The following CD86 variants were observed in gnomAD, a reference collection of about 807,000 sequenced individuals.
CD86 encodes the protein CD86 molecule.
In CD86, 11 loss-of-function variants were observed where a neutral mutation model predicts 32.1. That is an observed-to-expected ratio of 0.34 (90% confidence interval 0.22 to 0.57). CD86 has a LOEUF of 0.57. Among genes scored for constraint, CD86 ranks in the 20% least tolerant of loss-of-function variants. The pLI is 0.86. For synonymous variants in CD86, 137 were observed against 135.3 expected (o/e 1.01, Z -0.09); for missense variants, 359 against 398.4 (o/e 0.90, Z 0.84).
chr3:122,079,094 C>CTCTTG lies in CD86; in HGVS notation c.15-12505_15-12501dup, dbSNP rs904307087. ...ATAAAAGACATAAGGAAAAGCTGCA[C>CTCTTG]TCTTGTTTTCTAGCCTAGTGGGGAA... On this transcript the variant is annotated intron_variant, in intron 1 of 6. Transcript: ENST00000330540. 3.9e-4 allele frequency among the ~76,000 whole-genome samples: 59 copies of CTCTTG among 152,308 alleles called. 1 individual carries two copies. Among genetic ancestry groups the CTCTTG allele is most frequent in the African/African-American group, 1.4e-3 (57 of 41,566 alleles).
At chr3:122,103,171 C>T (rs551560528) in intron 2 of CD86, among the ~76,000 whole-genome samples, 1 of 117,528 alleles carries the variant, frequency 8.5e-6, no homozygotes, top group African/African-American at 3.3e-5. Context: ...GGTTGTCTAA[C>T]TCTACTGGTT....
intron 2 of CD86, among the ~76,000 whole-genome samples, chr3:122,099,825 G>A (rs966031289): frequency 1.8e-4 from 27 of 152,164 alleles, no homozygotes; most frequent in African/African-American, 6.5e-4. Flanking sequence ...AGGGGCTGGT[G>A]GCTATCATAT....
chr3:122,055,365 C>A lies in CD86; in HGVS notation c.-125C>A. 1 of 891,454 alleles carries A rather than the reference C, an allele frequency of 1.1e-6. No individual in the cohort carries two copies. Among genetic ancestry groups the A allele is most frequent in the Non-Finnish European group, 1.9e-6 (1 of 534,496 alleles). 55.2% of individuals were successfully genotyped at this position (891,454 alleles called of 1,614,324 possible). A position where few individuals can be genotyped will look rare whatever the true frequency, so the allele number is the denominator to read the frequency against. On this transcript the variant is annotated 5_prime_UTR_variant, in exon 1 of 7. Coordinates refer to ENST00000330540, the MANE Select transcript of CD86 (RefSeq NM_175862.5). ...AAAGTTAGCTGGGTAGGTATACAGT[C>A]ATTGCCGAGGAAGGCTTGCACAGGG...
chr3:122,063,840 C>T (rs1358755487), intron 1 of CD86, among the ~76,000 whole-genome samples: 1 of 152,050 alleles, frequency 6.6e-6, no homozygotes, highest in Non-Finnish European at 1.5e-5. Context: ...TGTGACCCAC[C>T]GCACCTGGCC....
At chr3:122,112,824 A>G (rs1198515539) in intron 5 of CD86, among the ~76,000 whole-genome samples, 1 of 152,184 alleles carries the variant, frequency 6.6e-6, no homozygotes, top group East Asian at 1.9e-4. Flanking sequence ...CTTTTTTTAC[A>G]TTTATAAGAT....
chr3:122,096,805 T>G (rs1374249034), intron 2 of CD86, among the ~76,000 whole-genome samples: 1 of 152,284 alleles, frequency 6.6e-6, no homozygotes, highest in Admixed American at 6.5e-5. Context: ...TATAGCTTTC[T>G]GTTTCACAGC....
chr3:122,100,527 T>G (rs772314768), intron 2 of CD86, among the ~76,000 whole-genome samples: 1 of 152,162 alleles, frequency 6.6e-6, no homozygotes, highest in Non-Finnish European at 1.5e-5. Context: ...TTAGTACAGA[T>G]AAGCATAGGA....
intron 5 of CD86, among the ~76,000 whole-genome samples, chr3:122,114,911 A>C (rs910151208): frequency 3.3e-5 from 5 of 152,232 alleles, no homozygotes; most frequent in African/African-American, 9.6e-5. Context: ...TTCTGTTAGC[A>C]TAATATTTCA....
At chr3:122,112,814 C>A (rs937850205) in intron 5 of CD86, among the ~76,000 whole-genome samples, 2 of 151,938 alleles carry the variant, frequency 1.3e-5, no homozygotes, top group African/African-American at 4.8e-5. Flanking sequence ...CTATAAGTAC[C>A]TTTTTTTACA....
At position 122,090,655 on chromosome 3, in the gene CD86, C is replaced by T. The variant is rs116675641; in HGVS notation, c.15-946C>T. On this transcript the variant is annotated intron_variant, in intron 1 of 6. Coordinates refer to ENST00000330540, the MANE Select transcript of CD86 (RefSeq NM_175862.5). ...CCATACCATCCTGAATGTGCCTGATCGCATCTAATGTTGGTCACCTCTCCT... is the reference window on the plus strand; with the variant it reads ...CCATACCATCCTGAATGTGCCTGATTGCATCTAATGTTGGTCACCTCTCCT... Among the ~76,000 whole-genome samples the T allele has an allele frequency of 2.5e-3, 376 of 152,204 alleles. 2 individuals are homozygous for T. Among genetic ancestry groups the T allele is most frequent in the African/African-American group, 8.5e-3 (355 of 41,534 alleles).
At chr3:122,086,607 G>T (rs1462474253) in intron 1 of CD86, 2 of 479,840 alleles carry the variant, frequency 4.2e-6, no homozygotes, top group African/African-American at 3.9e-5. Flanking sequence ...GGAAGCTGGT[G>T]CCTGTCCAGG....
intron 2 of CD86, among the ~76,000 whole-genome samples, chr3:122,099,711 C>G (rs1026688173): frequency 6.6e-6 from 1 of 152,276 alleles, no homozygotes; most frequent in Non-Finnish European, 1.5e-5. Context: ...ATAATAACCA[C>G]TAGCCATATG....
intron 1 of CD86, among the ~76,000 whole-genome samples, chr3:122,076,417 A>C (rs1438051234): frequency 6.6e-6 from 1 of 152,224 alleles, no homozygotes; most frequent in Admixed American, 6.5e-5. Flanking sequence ...ATCATATGTC[A>C]CAATAAGAAA....
At chr3:122,059,211 T>C (rs2072287648) in intron 1 of CD86, among the ~76,000 whole-genome samples, 1 of 152,022 alleles carries the variant, frequency 6.6e-6, no homozygotes, top group African/African-American at 2.4e-5. Context: ...ATAAGTATGG[T>C]TGACAGTTGA....
chr3:122,116,562 C>CA (rs768274123), intron 5 of CD86, among the ~76,000 whole-genome samples: 11 of 152,068 alleles, frequency 7.2e-5, no homozygotes, highest in African/African-American at 9.7e-5. Flanking sequence ...AGACATTTAC[C>CA]AAACAGAAAT....
intron 5 of CD86, among the ~76,000 whole-genome samples, chr3:122,114,848 T>C (rs2107549531): frequency 6.6e-6 from 1 of 152,322 alleles, no homozygotes; most frequent in South Asian, 2.1e-4. Flanking sequence ...CTCATAAAAA[T>C]AGGAATACAA....
intron 1 of CD86, among the ~76,000 whole-genome samples, chr3:122,068,257 G>T (rs182490868): frequency 6.6e-6 from 1 of 151,652 alleles, no homozygotes; most frequent in Non-Finnish European, 1.5e-5. Flanking sequence ...GTGCTTTCAC[G>T]GACCTTCATG....
chr3:122,095,466 T>A (rs574419848), intron 2 of CD86, among the ~76,000 whole-genome samples: 1 of 152,294 alleles, frequency 6.6e-6, no homozygotes, highest in South Asian at 2.1e-4. Context: ...CAGACAGGCA[T>A]GAGCCACTGC....
At chr3:122,066,843 C>T (rs562112010) in intron 1 of CD86, among the ~76,000 whole-genome samples, 11 of 151,742 alleles carry the variant, frequency 7.2e-5, no homozygotes, top group African/African-American at 1.9e-4. Flanking sequence ...ATTTTTAACA[C>T]GATGAGGAAA....
Sources: allele counts gnomAD v4.1 joint callset (sites outside exome capture counted in the v4.1 genomes callset), GRCh38; gene constraint gnomAD v4.1.1; transcripts MANE v1.5; gene names NCBI Gene and HGNC (gene_info 2026-07-23, HGNC 2026-07-21).